GRM4: variants seen among roughly 807,000 people sequenced by gnomAD.
GRM4 encodes metabotropic glutamate receptor 4.
Under a neutral mutation model 81.7 loss-of-function variants are expected in GRM4, and 28 were observed. The ratio of observed to expected loss-of-function variants is 0.34; its 90% CI spans 0.25 to 0.47. The LOEUF is 0.47. Among genes scored for constraint, GRM4 ranks in the 20% least tolerant of loss-of-function variants. The pLI is 1.00. For missense variants in GRM4, 948 were observed against 1,290.0 expected (o/e 0.73, Z 4.06); for synonymous variants, 488 against 528.8 (o/e 0.92, Z 1.06).
chr6:34,125,885 A>G (rs1770003113), intron 2 of GRM4, among the ~76,000 whole-genome samples: 1 of 152,236 alleles, frequency 6.6e-6, no homozygotes. Context: ...AGTCACCCTC[A>G]GCAAGACCTA....
rs755821567 is a variant in GRM4, at chr6:34,110,707, C to T, written c.520-18608G>A. The T allele has an allele frequency of 3.2e-5, 48 of 1,523,084 alleles. No individual in the cohort carries two copies. In the African/African-American group the frequency reaches 3.2e-4, roughly 10 times the overall value. 94.3% of individuals were successfully genotyped at this position (1,523,084 alleles called of 1,614,324 possible). ...GAGCGTGTGTCTGCCTCAGCCTCCC[C>T]GCTGTGCCGGGGTGCTGGGCTGGTA... On this transcript the variant is annotated intron_variant, in intron 2 of 10. Coordinates refer to ENST00000538487, the MANE Select transcript of GRM4 (RefSeq NM_000841.4).
chr6:34,127,763 G>A (rs1221940821), intron 2 of GRM4, among the ~76,000 whole-genome samples: 1 of 152,172 alleles, frequency 6.6e-6, no homozygotes, highest in African/African-American at 2.4e-5. Flanking sequence ...ACAGAAAGAC[G>A]GTGGTCAAAA....
At position 34,091,746 on chromosome 6, in the gene GRM4, G is replaced by A. The variant is rs955545463; in HGVS notation, c.736+137C>T. ...GGACCAAACCACAGTGCTCAAAGAA[G>A]AGGCCGAGGCCCACCTGGCAACAGC... On this transcript the variant is annotated intron_variant, in intron 3 of 10. Coordinates refer to ENST00000538487, the MANE Select transcript of GRM4 (RefSeq NM_000841.4). 4.6e-6 allele frequency: 3 copies of A among 651,096 alleles called. No individual in the cohort carries two copies. The Admixed American group carries it at 7.3e-5, about 16-fold the overall frequency. 40.3% of individuals were successfully genotyped at this position (651,096 alleles called of 1,614,324 possible). A position where few individuals can be genotyped will look rare whatever the true frequency, so the allele number is the denominator to read the frequency against.
rs2127443124 is a variant in GRM4 at position 34,036,207 on chromosome 6, G to A, written c.1903C>T (p.Leu635=). The A allele has an allele frequency of 6.2e-7, 1 of 1,614,188 alleles. No individual in the cohort carries two copies. The highest frequency in any genetic ancestry group is 1.1e-5 in the South Asian group (1 of 91,086). Residue 635 remains leucine (L), a synonymous_variant, in exon 9 of 11, where the codon CTG becomes TTG. Transcript: ENST00000538487. This position sits in a 1 kb window ranked among gnomAD's most constrained non-coding sequence, Gnocchi z 9.0. ...ATGAGGAAGGTGGTGGCATAGCACAGGAAGATGCCTGCCAGCAGCACGTAG... is the reference window on the plus strand; with the variant it reads ...ATGAGGAAGGTGGTGGCATAGCACAAGAAGATGCCTGCCAGCAGCACGTAG... ...LSYVLLAGIF[L]CYATTFLMIA...
Position 34,035,673 on chromosome 6 carries a change from C to T in GRM4, c.2437G>A (p.Asp813Asn), listed in dbSNP as rs1326802152. 2.0e-6 allele frequency: 3 copies of T among 1,482,242 alleles called. No individual in the cohort carries two copies. Among genetic ancestry groups the T allele is most frequent in the Non-Finnish European group, 1.8e-6 (2 of 1,086,684 alleles). The allele number at this position is 1,482,242 out of a possible 1,614,324, so 91.8% of individuals were successfully genotyped here. A position where few individuals can be genotyped will look rare whatever the true frequency, so the allele number is the denominator to read the frequency against. ...PIFFGTSQSA[D>N]KLYIQTTTLT... ...CCCCGGCCCCCACCACTCACCTTGT[C>T]GGCCGACTGCGAGGTGCCAAAGAAG... The change falls in exon 9 of 11, where the codon GAC (aspartate) becomes AAC (asparagine). Residue 813 changes from aspartate to asparagine, a missense_variant. Coordinates refer to ENST00000538487, the MANE Select transcript of GRM4 (RefSeq NM_000841.4). This position sits in a 1 kb window ranked among gnomAD's most constrained non-coding sequence, Gnocchi z 6.6.
At chr6:34,072,975 G>T (rs549509941) in intron 3 of GRM4, among the ~76,000 whole-genome samples, 1,446 of 29,050 alleles carry the variant, frequency 0.05, 12 homozygotes, top group South Asian at 0.081. Context: ...TCACCACACA[G>T]ATACATACCA....
At chr6:34,038,055 G>A (rs1267727781) in intron 8 of GRM4, among the ~76,000 whole-genome samples, 2 of 152,152 alleles carry the variant, frequency 1.3e-5, no homozygotes, top group Non-Finnish European at 2.9e-5. Context: ...GAATGTGGAG[G>A]CGAGACGGTC....
At chr6:34,138,852 C>T (rs1770568890) in intron 1 of GRM4, among the ~76,000 whole-genome samples, 1 of 152,194 alleles carries the variant, frequency 6.6e-6, no homozygotes, top group African/African-American at 2.4e-5. Context: ...CAGGGCCTCT[C>T]GTTCAAGTAA....
intron 2 of GRM4, among the ~76,000 whole-genome samples, chr6:34,132,469 A>G (rs1219204556): frequency 6.6e-6 from 1 of 152,224 alleles, no homozygotes; most frequent in Non-Finnish European, 1.5e-5. Flanking sequence ...TTTCTTGGGA[A>G]TTGCAATTAT....
rs13201787 is a variant in GRM4 at position 34,139,153 on chromosome 6, C to T, written c.-363-5294G>A. Among the ~76,000 whole-genome samples, 6 of 152,324 alleles carry T rather than the reference C, an allele frequency of 3.9e-5. No individual in the cohort carries two copies. In the South Asian group the frequency reaches 6.2e-4, roughly 16 times the overall value. ...CCAACCGGCTTCCCTTTCCTTCCCC[C>T]GTGAGCTGCTCCGGCTCACCAGCCT... On this transcript the variant is annotated intron_variant, in intron 1 of 10. Transcript: ENST00000538487.
chr6:34,132,073 G>A (rs1297057285), intron 2 of GRM4, among the ~76,000 whole-genome samples: 4 of 152,228 alleles, frequency 2.6e-5, no homozygotes, highest in East Asian at 1.9e-4. Context: ...CTCTCTACCC[G>A]GTAGCTTTCA....
intron 3 of GRM4, among the ~76,000 whole-genome samples, chr6:34,088,946 C>G (rs71567421): frequency 0.011 from 1,606 of 152,274 alleles, 15 homozygotes; most frequent in Middle Eastern, 0.024. Context: ...TTGGGCCACT[C>G]CATGTGCCAC....
Position 34,133,678 on chromosome 6 carries a change from T to C in GRM4, c.-182A>G. ...TCCTTGTCACTCGGGCCAAGCACAG[T>C]TGCCCGCACAGTCCAGGCCCACAGA... On this transcript the variant is annotated 5_prime_UTR_variant, in exon 2 of 11. Transcript: ENST00000538487. This position sits in a 1 kb window ranked among gnomAD's most constrained non-coding sequence, Gnocchi z 6.5. The C allele has an allele frequency of 7.1e-7, 1 of 1,409,092 alleles. No homozygotes were observed. The allele number at this position is 1,409,092 out of a possible 1,614,324, so 87.3% of individuals were successfully genotyped here.
At chr6:34,087,456 C>A (rs916481676) in intron 3 of GRM4, among the ~76,000 whole-genome samples, 1 of 151,710 alleles carries the variant, frequency 6.6e-6, no homozygotes, top group Non-Finnish European at 1.5e-5. Flanking sequence ...TCTGTGCCCA[C>A]GTCTGTGCCA....
chr6:34,138,560 G>C (rs2029460), intron 1 of GRM4, among the ~76,000 whole-genome samples: 78,203 of 152,078 alleles, frequency 0.51, 21,027 homozygotes, highest in Admixed American at 0.62. Flanking sequence ...CCTCCCCTCA[G>C]CTCTGTGACC....
intron 6 of GRM4, among the ~76,000 whole-genome samples, chr6:34,044,171 T>TATAC (rs1413083281): frequency 1.4e-5 from 2 of 141,174 alleles, no homozygotes; most frequent in African/African-American, 5.3e-5. Flanking sequence ...TACACACACA[T>TATAC]ATACATACAT....
In GRM4 at chr6:34,115,360, C is replaced by T. The variant is rs2127500983; in HGVS notation, c.519+17618G>A. Among the ~76,000 whole-genome samples the T allele has an allele frequency of 6.6e-6, 1 of 152,346 alleles. No individual in the cohort carries two copies. Among genetic ancestry groups the T allele is most frequent in the African/African-American group, 2.4e-5 (1 of 41,568 alleles). ...TACATTGTTAGCGCAGTAGAGAGAG[C>T]AACCGTGTCTCCAGGCTTCAATTAA... On this transcript the variant is annotated intron_variant, in intron 2 of 10. Coordinates refer to ENST00000538487, the MANE Select transcript of GRM4 (RefSeq NM_000841.4). The surrounding 1 kb of genome is among the most constrained non-coding windows in gnomAD (Gnocchi z 4.1).
chr6:34,126,741 C>T (rs1770038174), intron 2 of GRM4, among the ~76,000 whole-genome samples: 1 of 152,246 alleles, frequency 6.6e-6, no homozygotes. Flanking sequence ...GACATGGGGG[C>T]TGCAGAGGTC....
At chr6:34,139,142 T>TTTCC (rs1770578770) in intron 1 of GRM4, among the ~76,000 whole-genome samples, 1 of 152,210 alleles carries the variant, frequency 6.6e-6, no homozygotes, top group South Asian at 2.1e-4. Flanking sequence ...CCGGCTTCCC[T>TTTCC]TTCCTTCCCC....
Sources: allele counts gnomAD v4.1 joint callset (sites outside exome capture counted in the v4.1 genomes callset), GRCh38; gene constraint gnomAD v4.1.1; non-coding constraint Gnocchi (gnomAD v3.1); transcripts MANE v1.5; gene names NCBI Gene and HGNC (gene_info 2026-07-23, HGNC 2026-07-21).